The following CHRM3 variants were observed in gnomAD, a reference collection of about 807,000 sequenced individuals.
CHRM3 encodes the protein muscarinic acetylcholine receptor M3.
CHRM3 carries 11 observed loss-of-function variants against 41.8 expected under a neutral mutation model. The ratio of observed to expected loss-of-function variants is 0.26; its 90% CI spans 0.17 to 0.44. The LOEUF (loss-of-function observed/expected upper bound fraction) is 0.44, where lower values mean the gene tolerates loss of function less well. Among genes scored for constraint, CHRM3 ranks in the 20% least tolerant of loss-of-function variants. The pLI, the probability that CHRM3 is intolerant of heterozygous loss-of-function variation, is 1.00. For synonymous variants in CHRM3, 297 were observed against 301.4 expected (o/e 0.99, Z 0.15); for missense variants, 571 against 745.4 (o/e 0.77, Z 2.72).
At chr1:239,523,764 G>A (rs182178890) in intron 2 of CHRM3, among the ~76,000 whole-genome samples, 4 of 152,268 alleles carry the variant, frequency 2.6e-5, no homozygotes, top group Admixed American at 2.0e-4. Flanking sequence ...CATAGCTGAC[G>A]TGATAAGATA....
At chr1:239,795,166 A>G (rs570890025) in intron 5 of CHRM3, among the ~76,000 whole-genome samples, 36 of 152,184 alleles carry the variant, frequency 2.4e-4, no homozygotes, top group Admixed American at 3.9e-4. Flanking sequence ...GTGTTAACTT[A>G]CCTAAACTCC....
intron 3 of CHRM3, among the ~76,000 whole-genome samples, chr1:239,564,209 A>C (rs1012558945): frequency 6.6e-6 from 1 of 152,206 alleles, no homozygotes; most frequent in South Asian, 2.1e-4. Context: ...GAAAATTTTT[A>C]TCTAAGCATT....
intron 1 of CHRM3, among the ~76,000 whole-genome samples, chr1:239,471,455 C>G (rs544139290): frequency 2.0e-5 from 3 of 152,164 alleles, no homozygotes; most frequent in Non-Finnish European, 4.4e-5. Flanking sequence ...CATGGAATGA[C>G]GCACAGTTGA....
intron 5 of CHRM3, among the ~76,000 whole-genome samples, chr1:239,775,150 T>A (rs1667993371): frequency 6.6e-6 from 1 of 152,188 alleles, no homozygotes; most frequent in Admixed American, 6.6e-5. Context: ...AAAAAAAGTT[T>A]GTTTTACCTC....
rs12126792 is a variant in CHRM3, at chr1:239,760,193, A to G, written c.-146-67059A>G. Among the ~76,000 whole-genome samples the G allele has an allele frequency of 7.9e-3, 1,191 of 151,584 alleles. 4 individuals carry two copies. Among genetic ancestry groups the G allele is most frequent in the Non-Finnish European group, 0.013 (868 of 67,920 alleles). On this transcript the variant is annotated intron_variant, in intron 5 of 6. Coordinates refer to ENST00000676153, the MANE Select transcript of CHRM3 (RefSeq NM_001375978.1). ...GCCCACCTCGGCCCCCCAAAGTGCT[A>G]GGATTACAGGCGTGAGCCACCGTGC...
intron 5 of CHRM3, among the ~76,000 whole-genome samples, chr1:239,814,844 G>T (rs1246197118): frequency 6.6e-6 from 1 of 152,142 alleles, no homozygotes; most frequent in Non-Finnish European, 1.5e-5. Context: ...GGGCAGTGAT[G>T]CAGTCTCGGC....
chr1:239,515,420 T>G (rs968579081), intron 2 of CHRM3, among the ~76,000 whole-genome samples: 32 of 151,644 alleles, frequency 2.1e-4, no homozygotes, highest in African/African-American at 7.5e-4. Flanking sequence ...TTGTTTTTTT[T>G]TTTTTTAATT....
chr1:239,700,056 A>G (rs1306986811), intron 5 of CHRM3, among the ~76,000 whole-genome samples: 21 of 152,146 alleles, frequency 1.4e-4, no homozygotes. Flanking sequence ...GCCTTCAGAT[A>G]TTTAATTAAT....
chr1:239,396,431 C>CA (rs1040375790), intron 1 of CHRM3, among the ~76,000 whole-genome samples: 1 of 151,458 alleles, frequency 6.6e-6, no homozygotes, highest in African/African-American at 2.4e-5. Context: ...GGCAACTTAG[C>CA]AAAAAAAATC....
intron 6 of CHRM3, among the ~76,000 whole-genome samples, chr1:239,870,108 G>T (rs1045213631): frequency 3.3e-5 from 5 of 152,158 alleles, no homozygotes; most frequent in Non-Finnish European, 5.9e-5. Context: ...TCTTTGAGGT[G>T]CCCCTGGGAA....
In CHRM3 at chr1:239,590,886, G is replaced by A. The variant is rs2148636376; in HGVS notation, c.-312-41338G>A. 2.6e-5 allele frequency among the ~76,000 whole-genome samples: 4 copies of A among 152,222 alleles called. 1 individual carries two copies. The South Asian group carries it at 8.3e-4, about 32-fold the overall frequency. On this transcript the variant is annotated intron_variant, in intron 3 of 6. Coordinates refer to ENST00000676153, the MANE Select transcript of CHRM3 (RefSeq NM_001375978.1). ...CATTTTCATGGGAAAAAAAAAGAAG[G>A]TCTGAGGATTTTAGGTGGTTACAAA...
At chr1:239,814,348 C>T (rs1165513987) in intron 5 of CHRM3, among the ~76,000 whole-genome samples, 1 of 152,104 alleles carries the variant, frequency 6.6e-6, no homozygotes, top group East Asian at 1.9e-4. Flanking sequence ...GCCTCCTCTC[C>T]TTACAGTGTT....
At chr1:239,500,227 A>C (rs543274761) in intron 2 of CHRM3, among the ~76,000 whole-genome samples, 1 of 152,290 alleles carries the variant, frequency 6.6e-6, no homozygotes, top group South Asian at 2.1e-4. Flanking sequence ...CAAATGTCCA[A>C]GAATGATAGA....
intron 1 of CHRM3, among the ~76,000 whole-genome samples, chr1:239,420,286 A>T (rs1441456057): frequency 6.6e-6 from 1 of 152,118 alleles, no homozygotes; most frequent in Admixed American, 6.6e-5. Context: ...TGTTTTCTTC[A>T]TCCTTGCTCT....
intron 5 of CHRM3, among the ~76,000 whole-genome samples, chr1:239,818,067 A>G (rs1671739732): frequency 6.6e-6 from 1 of 152,170 alleles, no homozygotes; most frequent in South Asian, 2.1e-4. Flanking sequence ...TAAACGAAGG[A>G]CATTTCTATC....
intron 5 of CHRM3, among the ~76,000 whole-genome samples, chr1:239,761,113 T>C (rs1252148181): frequency 2.0e-5 from 3 of 152,212 alleles, no homozygotes; most frequent in African/African-American, 7.2e-5. Flanking sequence ...TTTGCGATGT[T>C]TAATATCTCT....
At chr1:239,871,622 G>A (rs1676595356) in intron 6 of CHRM3, among the ~76,000 whole-genome samples, 1 of 152,110 alleles carries the variant, frequency 6.6e-6, no homozygotes, top group Non-Finnish European at 1.5e-5. Flanking sequence ...CATGATGAGT[G>A]ACCTGTTTCT....
chr1:239,529,087 G>A (rs1407670161), intron 2 of CHRM3, among the ~76,000 whole-genome samples: 3 of 151,990 alleles, frequency 2.0e-5, no homozygotes, highest in African/African-American at 4.8e-5. Flanking sequence ...GTACTTAATG[G>A]AGTGGTTCTG....
At chr1:239,895,914 C>T (rs559993844) in intron 6 of CHRM3, among the ~76,000 whole-genome samples, 5 of 152,284 alleles carry the variant, frequency 3.3e-5, no homozygotes, top group African/African-American at 1.2e-4. Context: ...ACCAAACCCC[C>T]ACAACACATA....
Sources: gnomAD v4.1 joint callset for allele counts (sites outside exome capture counted in the v4.1 genomes callset) on GRCh38, gnomAD v4.1.1 for gene constraint, MANE v1.5 for transcripts, NCBI Gene and HGNC (gene_info 2026-07-23, HGNC 2026-07-21) for gene names.